The following ICAM3 variants were observed in gnomAD, a reference collection of about 807,000 sequenced individuals.
The protein encoded by ICAM3 is intercellular adhesion molecule 3.
In ICAM3, 54 loss-of-function variants were observed where a neutral mutation model predicts 43.6. That is an observed-to-expected ratio of 1.24 (90% CI 0.99 to 1.55). ICAM3 has a LOEUF of 1.55. ICAM3 is among the 40% of genes most tolerant of loss of function. The probability of loss-of-function intolerance (pLI) is 0.00; values close to 1 mark genes in which losing one functional copy is unlikely to be tolerated. For missense variants in ICAM3, 715 were observed against 717.9 expected (o/e 1.00, Z 0.05); for synonymous variants, 306 against 312.6 (o/e 0.98, Z 0.22).
chr19:10,335,185 G>C lies in ICAM3; in HGVS notation c.818C>G (p.Thr273Arg). 1 of 1,613,808 alleles carries C rather than the reference G, an allele frequency of 6.2e-7. No individual in the cohort carries two copies. The highest frequency in any genetic ancestry group is 8.5e-7 in the Non-Finnish European group (1 of 1,180,028). Reference sequence around the variant, plus strand: ...CGTGGCTGTGGCTGTGGCCGTTAGCGTGTCCCCGTGGTTCATGACTGTCGC... The same window carrying C: ...CGTGGCTGTGGCTGTGGCCGTTAGCCTGTCCCCGTGGTTCATGACTGTCGC... ...LNATVMNHGD[T>R]LTATATATAR... The change falls in exon 4 of 7, where the codon ACG (threonine) becomes AGG (arginine). Residue 273 changes from threonine to arginine, a missense_variant. Thr to Arg is a moderately conservative substitution (Grantham distance 71). Coordinates refer to ENST00000160262, the MANE Select transcript of ICAM3 (RefSeq NM_002162.5).
In ICAM3 at chr19:10,335,154, G is replaced by A; in HGVS notation, c.849C>T (p.Arg283=). Residue 283 remains arginine, a synonymous_variant, in exon 4 of 7, where the codon CGC becomes CGT. Coordinates refer to ENST00000160262, the MANE Select transcript of ICAM3 (RefSeq NM_002162.5). ...TCTCCCGGGCACCCTCCTGATCCGCGCGCGCCGTGGCTGTGGCTGTGGCCG... is the reference window on the plus strand; with the variant it reads ...TCTCCCGGGCACCCTCCTGATCCGCACGCGCCGTGGCTGTGGCTGTGGCCG... The part of the protein sequence containing the change: ...TLTATATATA[R]ADQEGAREIV... The A allele has an allele frequency of 6.2e-7, 1 of 1,613,676 alleles. No individual in the cohort carries two copies. Among genetic ancestry groups the A allele is most frequent in the East Asian group, 2.2e-5 (1 of 44,852 alleles).
rs148956626 is a variant in ICAM3, at chr19:10,338,832, A to G, written c.193T>C (p.Leu65=). The G allele has an allele frequency of 6.2e-7, 1 of 1,614,162 alleles. No individual in the cohort carries two copies. The highest frequency in any genetic ancestry group is 8.5e-7 in the Non-Finnish European group (1 of 1,180,024). ...TDCPSSEKIA[L]ETSLSKELVA... ...AGCTCCTTTGATAGGGACGTCTCCA[A>G]GGCGATTTTCTCAGAGCTGGGACAA... The change falls in exon 2 of 7, where the codon TTG becomes CTG. Residue 65 remains leucine (L), a synonymous_variant. Coordinates refer to ENST00000160262, the MANE Select transcript of ICAM3 (RefSeq NM_002162.5).
Position 10,335,318 on chromosome 19 carries a change from G to T in ICAM3, c.685C>A (p.Arg229=), listed in dbSNP as rs768362006. ...PVTPPRLVAP[R]FLEVETSWPV... is the part of the protein sequence containing the mutation. ...CACGACGTTTCCACCTCCAAGAACC[G>T]GGGGGCCACGAGGCGCGGGGGGGTC... The change falls in exon 4 of 7, where the codon CGG becomes AGG. Residue 229 remains arginine, a synonymous_variant. Transcript: ENST00000160262. The T allele has an allele frequency of 1.0e-4, 169 of 1,610,954 alleles. 1 individual carries two copies. Among genetic ancestry groups the T allele is most frequent in the Admixed American group, 1.7e-4 (10 of 59,926 alleles).
intron 1 of ICAM3, chr19:10,339,328 G>C (rs1197667618): frequency 1.7e-6 from 1 of 585,566 alleles, no homozygotes; most frequent in African/African-American, 1.9e-5. Context: ...GTGTGTGTGT[G>C]TTAGGGGAGA....
rs1349002931 is a variant in ICAM3, at chr19:10,334,320, G to T, written c.1281C>A (p.Gly427=). The change falls in exon 6 of 7, where the codon GGC becomes GGA. Residue 427 remains glycine (G), a synonymous_variant. Coordinates refer to ENST00000160262, the MANE Select transcript of ICAM3 (RefSeq NM_002162.5). The surrounding 1 kb of genome is among the most constrained non-coding windows in gnomAD (Gnocchi z 5.5). The part of the protein sequence containing the change: ...TRHVLQCQAR[G]NPYPELRCLK... ...AACACCGCAGCTCGGGGTACGGGTTGCCCCTGGCTTGGCACTGCAGGACGT... is the reference window on the plus strand; with the variant it reads ...AACACCGCAGCTCGGGGTACGGGTTTCCCCTGGCTTGGCACTGCAGGACGT... 1 of 1,614,078 alleles carries T rather than the reference G, an allele frequency of 6.2e-7. No individual in the cohort carries two copies.
chr19:10,339,008 C>G (rs771806187), intron 1 of ICAM3, 60 bp from the exon 2 acceptor site: 1 of 1,565,486 alleles, frequency 6.4e-7, no homozygotes, highest in Non-Finnish European at 8.7e-7. Flanking sequence ...CACGCATCAA[C>G]AGGCCCCACC....
chr19:10,333,884 C>T lies in ICAM3; in HGVS notation c.1617G>A (p.Met539Ile), dbSNP rs1464358820. 10 of 1,614,064 alleles carry T rather than the reference C, an allele frequency of 6.2e-6. No homozygotes were observed. The highest frequency in any genetic ancestry group is 1.1e-5 in the South Asian group (1 of 91,088). The part of the protein sequence containing the change: ...PLTSMQPTEA[M>I]GEEPSRAE Reference sequence around the variant, plus strand: ...ACTCAGCTCTGGACGGTTCTTCCCCCATTGCTTCTGTCGGCTGCATAGACG... The same window carrying T: ...ACTCAGCTCTGGACGGTTCTTCCCCTATTGCTTCTGTCGGCTGCATAGACG... The change falls in exon 7 of 7, where the codon ATG (methionine) becomes ATA (isoleucine). Residue 539 changes from methionine (M) to isoleucine (I), a missense_variant. By Grantham distance (10) the Met-to-Ile change is conservative (BLOSUM62 1). Coordinates refer to ENST00000160262, the MANE Select transcript of ICAM3 (RefSeq NM_002162.5). This position sits in a 1 kb window ranked among gnomAD's most constrained non-coding sequence, Gnocchi z 4.2.
chr19:10,338,691 T>C lies in ICAM3; in HGVS notation c.334A>G (p.Thr112Ala). The change falls in exon 2 of 7, where the codon ACC becomes GCC. Residue 112 changes from threonine (T) to alanine (A), a missense_variant. By Grantham distance (58) the Thr-to-Ala change is moderately conservative. Coordinates refer to ENST00000160262, the MANE Select transcript of ICAM3 (RefSeq NM_002162.5). Reference protein sequence around the residue: ...GSQITGSSNITVYRLPERVEL... With the variant: ...GSQITGSSNIAVYRLPERVEL... ...GGACACGTCGACTCACTGTACACGG[T>C]GATGTTAGAGGAGCCTGTTATCTGA... 3 of 1,613,954 alleles carry C rather than the reference T, an allele frequency of 1.9e-6. No homozygotes were observed. Among genetic ancestry groups the C allele is most frequent in the Non-Finnish European group, 2.5e-6 (3 of 1,179,970 alleles).
At position 10,338,735 on chromosome 19, in the gene ICAM3, G is replaced by A. The variant is rs745953477; in HGVS notation, c.290C>T (p.Ser97Leu). ...NVTGNSRILC[S>L]VYCNGSQITG... ...TATCTGAGAGCCATTGCAGTACACT[G>A]AGCAGAGGATCCGACTGTTGCCAGT... is the stretch of plus-strand genomic sequence containing the variant. The change falls in exon 2 of 7, where the codon TCA becomes TTA. Residue 97 changes from serine to leucine, a missense_variant. Ser to Leu is a moderately radical substitution (Grantham distance 145). Coordinates refer to ENST00000160262, the MANE Select transcript of ICAM3 (RefSeq NM_002162.5). The A allele has an allele frequency of 1.2e-6, 2 of 1,614,134 alleles. No individual in the cohort carries two copies. The highest frequency in any genetic ancestry group is 3.3e-5 in the Admixed American group (2 of 60,012).
chr19:10,338,723 T>C lies in ICAM3; in HGVS notation c.302A>G (p.Asn101Ser), dbSNP rs1304202349. The C allele has an allele frequency of 2.5e-6, 4 of 1,614,034 alleles. No individual in the cohort carries two copies. In the African/African-American group the frequency reaches 5.3e-5, roughly 22 times the overall value. Residue 101 changes from asparagine to serine, a missense_variant, in exon 2 of 7, where the codon AAT (asparagine) becomes AGT (serine). Physicochemically the swap from Asn to Ser is conservative, Grantham distance 46 (BLOSUM62 1). Coordinates refer to ENST00000160262, the MANE Select transcript of ICAM3 (RefSeq NM_002162.5). ...AGAGGAGCCTGTTATCTGAGAGCCA[T>C]TGCAGTACACTGAGCAGAGGATCCG... ...NSRILCSVYC[N>S]GSQITGSSNI... is the part of the protein sequence containing the mutation.
chr19:10,335,538 G>T, intron 3 of ICAM3, 133 bp downstream of exon 3: 1 of 1,152,712 alleles, frequency 8.7e-7, no homozygotes, highest in Non-Finnish European at 1.2e-6. Flanking sequence ...GGGCCACCTT[G>T]CCCAGTGGCC....
chr19:10,335,067 A>T lies in ICAM3; in HGVS notation c.936T>A (p.Phe312Leu). Reference sequence around the variant, plus strand: ...CCCCCTTCCCACGCCTCCTCTTACTAAAGACCGTCAAGTTCTCCCGGGCCT... The same window carrying T: ...CCCCCTTCCCACGCCTCCTCTTACTTAAGACCGTCAAGTTCTCCCGGGCCT... ...RREARENLTV[F>L]SFLGPIVNLS... The change falls in exon 4 of 7, where the codon TTT (phenylalanine) becomes TTA (leucine). Residue 312 changes from phenylalanine (F) to leucine (L), a missense_variant and splice_region_variant. Transcript: ENST00000160262. The T allele has an allele frequency of 6.2e-7, 1 of 1,611,460 alleles. No individual in the cohort carries two copies. The highest frequency in any genetic ancestry group is 1.7e-5 in the Admixed American group (1 of 59,932).
In ICAM3 at chr19:10,334,437, C is replaced by A; in HGVS notation, c.1193-29G>T. ...TGGAACCACCATGTGTGATCAGACA[C>A]CCAACACACCCGAGGCACAGTGGTG... On this transcript the variant is annotated intron_variant, in intron 5 of 6. Transcript: ENST00000160262. This position sits in a 1 kb window ranked among gnomAD's most constrained non-coding sequence, Gnocchi z 5.5. 6.2e-7 allele frequency: 1 copy of A among 1,612,748 alleles called. No individual in the cohort carries two copies. Among genetic ancestry groups the A allele is most frequent in the Non-Finnish European group, 8.5e-7 (1 of 1,178,984 alleles).
Position 10,335,349 on chromosome 19 carries a change from C to T in ICAM3, c.654G>A (p.Leu218=), listed in dbSNP as rs1466563468. The part of the protein sequence containing the change: ...SAPRQLRTFV[L]PVTPPRLVAP... ...CCACGAGGCGCGGGGGGGTCACGGG[C>T]AGGACTGGGGAGAAAGGTGGGCATA... Residue 218 remains leucine (L), a synonymous_variant, in exon 4 of 7, where the codon CTG becomes CTA. Coordinates refer to ENST00000160262, the MANE Select transcript of ICAM3 (RefSeq NM_002162.5). 1 of 1,602,798 alleles carries T rather than the reference C, an allele frequency of 6.2e-7. No homozygotes were observed. Among genetic ancestry groups the T allele is most frequent in the East Asian group, 2.2e-5 (1 of 44,692 alleles).
At chr19:10,338,390 C>T (rs1296315092) in intron 2 of ICAM3, among the ~76,000 whole-genome samples, 2 of 144,864 alleles carry the variant, frequency 1.4e-5, no homozygotes, top group Admixed American at 7.0e-5. Flanking sequence ...GCAAAAAGAG[C>T]GAAACTCTGT....
chr19:10,339,038 G>C, intron 1 of ICAM3, 90 bp from the exon 2 acceptor site: 3 of 1,382,534 alleles, frequency 2.2e-6, no homozygotes, highest in Non-Finnish European at 3.0e-6. Flanking sequence ...CTCTCTCCTT[G>C]TGCCGAGACA....
intron 2 of ICAM3, 68 bp from the exon 3 acceptor site, chr19:10,336,044 G>GGT: frequency 2.8e-6 from 4 of 1,407,120 alleles, no homozygotes; most frequent in African/African-American, 1.4e-5. Context: ...CAGGGACTGG[G>GGT]GAGGAGACAG....
At chr19:10,338,640 C>T (rs1206532355) in intron 2 of ICAM3, 42 bp downstream of exon 2, 1 of 1,601,654 alleles carries the variant, frequency 6.2e-7, no homozygotes, top group Admixed American at 1.7e-5. Context: ...TTGCCCACAC[C>T]ACTACCCAAG....
In ICAM3 at chr19:10,334,221, A is replaced by T. The variant is rs142122662; in HGVS notation, c.1380T>A (p.Tyr460Ter). The T allele has an allele frequency of 1.5e-5, 25 of 1,613,814 alleles. No individual in the cohort carries two copies. The highest frequency in any genetic ancestry group is 5.9e-6 in the Non-Finnish European group (7 of 1,179,996). ...CTCGTGAGCTGGACGCTTGGCACTG[A>T]TAAGTACCATTATGTGTTACGTTGA... The part of the protein sequence containing the change: ...FFVNVTHNGT[Y>*]QCQASSSRGK... Residue 460 changes from tyrosine (Y) to a stop codon, truncating the protein, a stop_gained, in exon 6 of 7, where the codon TAT (tyrosine) becomes TAA (stop). Coordinates refer to ENST00000160262, the MANE Select transcript of ICAM3 (RefSeq NM_002162.5). LOFTEE classifies it high-confidence loss of function. This position sits in a 1 kb window ranked among gnomAD's most constrained non-coding sequence, Gnocchi z 5.5.
Sources: gnomAD v4.1 joint callset for allele counts (sites outside exome capture counted in the v4.1 genomes callset) on GRCh38, gnomAD v4.1.1 for gene constraint, Gnocchi (gnomAD v3.1) non-coding constraint, MANE v1.5 for transcripts, NCBI Gene and HGNC (gene_info 2026-07-23, HGNC 2026-07-21) for gene names.